The following ARHGAP39 variants were observed in gnomAD, a reference collection of about 807,000 sequenced individuals.
The protein encoded by ARHGAP39 is rho GTPase-activating protein 39.
ARHGAP39 carries 44 observed loss-of-function variants against 106.9 expected under a neutral mutation model. That is an observed-to-expected ratio of 0.41 (90% CI 0.32 to 0.53). The LOEUF (loss-of-function observed/expected upper bound fraction) is 0.53, where lower values mean the gene tolerates loss of function less well. ARHGAP39 is among the 20% of genes least tolerant of loss of function. ARHGAP39 has a pLI of 0.21. For missense variants in ARHGAP39, 1,496 were observed against 1,577.3 expected (o/e 0.95, Z 0.87); for synonymous variants, 768 against 693.2 (o/e 1.11, Z -1.69).
At chr8:144,571,975 A>C (rs905794733) in intron 3 of ARHGAP39, among the ~76,000 whole-genome samples, 5 of 152,214 alleles carry the variant, frequency 3.3e-5, no homozygotes, top group Admixed American at 1.3e-4. Flanking sequence ...GCACAACGAA[A>C]TAAGAGGACA....
intron 1 of ARHGAP39, among the ~76,000 whole-genome samples, chr8:144,629,187 G>T (rs572635647): frequency 6.6e-6 from 1 of 152,320 alleles, no homozygotes; most frequent in South Asian, 2.1e-4. Flanking sequence ...TGCTCTTCTC[G>T]GTATCTTCTG....
chr8:144,599,834 A>G (rs1819778148), intron 2 of ARHGAP39, among the ~76,000 whole-genome samples: 1 of 152,150 alleles, frequency 6.6e-6, no homozygotes, highest in Non-Finnish European at 1.5e-5. Flanking sequence ...TTTAGTGCAT[A>G]TATTTTTGTA....
chr8:144,677,768 G>A (rs1032404460), intron 1 of ARHGAP39, among the ~76,000 whole-genome samples: 1 of 152,194 alleles, frequency 6.6e-6, no homozygotes, highest in Non-Finnish European at 1.5e-5. Context: ...GTCCAGCAAA[G>A]CTTCCAGGGG....
rs946858574 is a variant in ARHGAP39, at chr8:144,679,603, A to G, written c.-82+6083T>C. On this transcript the variant is annotated intron_variant, in intron 1 of 11. Coordinates refer to ENST00000377307, the MANE Select transcript of ARHGAP39 (RefSeq NM_025251.3). The surrounding 1 kb of genome is among the most constrained non-coding windows in gnomAD (Gnocchi z 4.7). ...CCTTCACCAACCCATCCTACAGAACATTGCCAATTAAATCTCCCTAAACCA... is the reference window on the plus strand; with the variant it reads ...CCTTCACCAACCCATCCTACAGAACGTTGCCAATTAAATCTCCCTAAACCA... 6.6e-6 allele frequency among the ~76,000 whole-genome samples: 1 copy of G among 152,196 alleles called. No individual in the cohort carries two copies. The highest frequency in any genetic ancestry group is 2.4e-5 in the African/African-American group (1 of 41,448).
intron 4 of ARHGAP39, among the ~76,000 whole-genome samples, chr8:144,550,207 C>T (rs865937508): frequency 1.3e-5 from 2 of 151,934 alleles, no homozygotes; most frequent in African/African-American, 4.8e-5. Context: ...TCAGGGAGGT[C>T]GAAGCTGCAG....
rs1822320989 is a variant in ARHGAP39, at chr8:144,679,079, A to G, written c.-82+6607T>C. Among the ~76,000 whole-genome samples the G allele has an allele frequency of 6.6e-6, 1 of 152,200 alleles. No homozygotes were observed. Among genetic ancestry groups the G allele is most frequent in the Admixed American group, 6.5e-5 (1 of 15,294 alleles). The stretch of plus-strand genomic sequence containing the variant: ...AAGCAGGTGAAGGTCCCAAAGCCCC[A>G]AAGGGTTGAGGCCAGAAGTGAATGT... On this transcript the variant is annotated intron_variant, in intron 1 of 11. Coordinates refer to ENST00000377307, the MANE Select transcript of ARHGAP39 (RefSeq NM_025251.3). The surrounding 1 kb of genome is among the most constrained non-coding windows in gnomAD (Gnocchi z 4.7).
In ARHGAP39 at chr8:144,583,371, CA is replaced by C. The variant is rs1338083112; in HGVS notation, c.81-2095del. 2.0e-5 allele frequency among the ~76,000 whole-genome samples: 3 copies of C among 152,358 alleles called. No individual in the cohort carries two copies. The East Asian group carries it at 5.8e-4, about 29-fold the overall frequency. On this transcript the variant is annotated intron_variant, in intron 2 of 11. Transcript: ENST00000377307. ...GCGTGTCACCTCCCTGAAACCGCAA[CA>C]GGAAGTGGCGCACGCATTGTGGGGT...
chr8:144,595,230 G>C (rs1174600305), intron 2 of ARHGAP39, among the ~76,000 whole-genome samples: 3 of 152,112 alleles, frequency 2.0e-5, no homozygotes, highest in African/African-American at 7.2e-5. Flanking sequence ...GCAAAATGTG[G>C]CCCATCCCTA....
chr8:144,533,147 T>A lies in ARHGAP39; in HGVS notation c.2867A>T (p.Asp956Val). The change falls in exon 9 of 12, where the codon GAC becomes GTC. Residue 956 changes from aspartate to valine, a missense_variant. This residue lies in a region of ARHGAP39 where 470 missense variants were observed against 605.1 expected (regional missense o/e 0.78). Coordinates refer to ENST00000377307, the MANE Select transcript of ARHGAP39 (RefSeq NM_025251.3). ...GCACCTGAAGATGCCCTCTGTCTGG[T>A]CACCGTTGAGCGCCAGCACCTCCTC... ...LSEEVLALNG[D>V]QTEGIFRVPG... The A allele has an allele frequency of 6.2e-7, 1 of 1,606,464 alleles. No individual in the cohort carries two copies. Among genetic ancestry groups the A allele is most frequent in the Non-Finnish European group, 8.5e-7 (1 of 1,178,110 alleles).
chr8:144,604,073 G>C lies in ARHGAP39; in HGVS notation c.80+1462C>G, dbSNP rs1261097371. ...AGGAGACAGCAGGACTCCTGCTCAG[G>C]TCAAGGCAGAGTGCGGATCGCAACT... On this transcript the variant is annotated intron_variant, in intron 2 of 11. Transcript: ENST00000377307. This position sits in a 1 kb window ranked among gnomAD's most constrained non-coding sequence, Gnocchi z 4.1. Among the ~76,000 whole-genome samples, 3 of 152,232 alleles carry C rather than the reference G, an allele frequency of 2.0e-5. No individual in the cohort carries two copies. The highest frequency in any genetic ancestry group is 7.2e-5 in the African/African-American group (3 of 41,466).
chr8:144,682,693 G>T (rs1216327781), intron 1 of ARHGAP39, among the ~76,000 whole-genome samples: 2 of 151,968 alleles, frequency 1.3e-5, no homozygotes, highest in African/African-American at 4.8e-5. Flanking sequence ...CGTTTCTGTT[G>T]CAAGGATAAT....
rs538968481 is a variant in ARHGAP39 at position 144,664,170 on chromosome 8, A to C, written c.-82+21516T>G. 6.6e-3 allele frequency among the ~76,000 whole-genome samples: 996 copies of C among 151,948 alleles called. 8 individuals carry two copies. Among genetic ancestry groups the C allele is most frequent in the Non-Finnish European group, 0.01 (687 of 67,918 alleles). The stretch of plus-strand genomic sequence containing the variant: ...TGACAGAGTGAGACTCTGTCCCCCC[A>C]AAAAAAAGAAAAAAAATGAGGACAA... On this transcript the variant is annotated intron_variant, in intron 1 of 11. Coordinates refer to ENST00000377307, the MANE Select transcript of ARHGAP39 (RefSeq NM_025251.3).
chr8:144,536,654 T>G (rs1331628795), intron 7 of ARHGAP39, among the ~76,000 whole-genome samples: 1 of 152,050 alleles, frequency 6.6e-6, no homozygotes, highest in African/African-American at 2.4e-5. Context: ...CCAGGCTGGG[T>G]GACTCGGGAC....
intron 4 of ARHGAP39, among the ~76,000 whole-genome samples, chr8:144,549,261 C>T (rs1817605121): frequency 6.6e-6 from 1 of 152,258 alleles, no homozygotes. Context: ...TGTCCACAGC[C>T]ATGCCTGCTG....
upstream of ARHGAP39, among the ~76,000 whole-genome samples, chr8:144,690,199 G>C (rs1488099072): frequency 6.6e-6 from 1 of 151,792 alleles, no homozygotes; most frequent in South Asian, 2.1e-4. Context: ...TGCCTCCCCA[G>C]TAGCTAAGAT....
At chr8:144,549,650 G>A (rs1227788517) in intron 4 of ARHGAP39, among the ~76,000 whole-genome samples, 1 of 152,098 alleles carries the variant, frequency 6.6e-6, no homozygotes, top group Non-Finnish European at 1.5e-5. Context: ...ACGCCACCAG[G>A]CCCAGCTAAT....
intron 1 of ARHGAP39, among the ~76,000 whole-genome samples, chr8:144,651,713 A>T (rs1244931244): frequency 2.0e-5 from 3 of 152,168 alleles, no homozygotes; most frequent in Non-Finnish European, 4.4e-5. Flanking sequence ...TCAAAAAAAA[A>T]TTAAAAATAA....
chr8:144,541,895 G>A (rs1263125400), intron 6 of ARHGAP39, among the ~76,000 whole-genome samples: 1 of 151,702 alleles, frequency 6.6e-6, no homozygotes, highest in African/African-American at 2.4e-5. Flanking sequence ...GATGATATGG[G>A]AATTATATTT....
At chr8:144,603,284 T>G (rs950322467) in intron 2 of ARHGAP39, among the ~76,000 whole-genome samples, 2 of 151,548 alleles carry the variant, frequency 1.3e-5, no homozygotes, top group African/African-American at 4.8e-5. Flanking sequence ...TGGAGGTGTG[T>G]GTGCGTGCTC....
Sources: allele counts gnomAD v4.1 joint callset (sites outside exome capture counted in the v4.1 genomes callset), GRCh38; gene constraint gnomAD v4.1.1; regional missense constraint gnomAD v4.1.1; non-coding constraint Gnocchi (gnomAD v3.1); transcripts MANE v1.5; gene names NCBI Gene and HGNC (gene_info 2026-07-23, HGNC 2026-07-21).